ADGRG1: variants seen among roughly 807,000 people sequenced by gnomAD.
The protein encoded by ADGRG1 is 7-transmembrane protein with no EGF-like N-terminal domains-1.
In ADGRG1, 53 loss-of-function variants were observed where a neutral mutation model predicts 73.5. That is an observed-to-expected ratio of 0.72 (90% CI 0.58 to 0.91). ADGRG1 has a LOEUF of 0.91. Among genes scored for constraint, ADGRG1 ranks in the 40% least tolerant of loss-of-function variants. The probability of loss-of-function intolerance (pLI) is 0.00; values close to 1 mark genes in which losing one functional copy is unlikely to be tolerated. For missense variants in ADGRG1, 795 were observed against 871.8 expected, an observed-to-expected ratio of 0.91 and a Z score of 1.11; for synonymous variants, 394 against 374.4, an observed-to-expected ratio of 1.05 and a Z score of -0.60.
intron 1 of ADGRG1, chr16:57,646,814 G>A: frequency 1.2e-6 from 1 of 836,000 alleles, no homozygotes; most frequent in Non-Finnish European, 1.4e-6. Context: ...GGTTCTGAGG[G>A]TTTGGTGTGA....
At chr16:57,644,968 AT>A (rs1362857149) in intron 1 of ADGRG1, 1 of 615,868 alleles carries the variant, frequency 1.6e-6, no homozygotes, top group Non-Finnish European at 2.0e-6. Flanking sequence ...ACACTCATGC[AT>A]GGGCACACAC....
chr16:57,659,113 G>A (rs1433281643), intron 10 of ADGRG1: 18 of 985,312 alleles, frequency 1.8e-5, no homozygotes, highest in East Asian at 1.1e-4. Flanking sequence ...AAGTGTTTCC[G>A]CTCTGACTTT....
intron 2 of ADGRG1, 166 bp from the exon 3 acceptor site, chr16:57,651,034 G>A: frequency 6.5e-7 from 1 of 1,535,168 alleles, no homozygotes; most frequent in Non-Finnish European, 8.7e-7. Context: ...ATAGTTTGAT[G>A]CTGATAAGTT....
chr16:57,635,620 G>A (rs2147489821), intron 1 of ADGRG1: 2 of 985,336 alleles, frequency 2.0e-6, no homozygotes, highest in South Asian at 9.4e-5. Flanking sequence ...GAGCACAGGA[G>A]TGAGCAAGGT....
chr16:57,662,319 C>T (rs1329406739), intron 13 of ADGRG1, among the ~76,000 whole-genome samples: 2 of 152,122 alleles, frequency 1.3e-5, no homozygotes, highest in African/African-American at 4.8e-5. Flanking sequence ...AGGGCCTCGG[C>T]TGGGGTGGGG....
upstream of ADGRG1, among the ~76,000 whole-genome samples, chr16:57,620,568 C>G (rs2034592755): frequency 1.3e-5 from 2 of 152,194 alleles, no homozygotes; most frequent in Non-Finnish European, 2.9e-5. Flanking sequence ...GGTTTGGGAG[C>G]AGGTTGGCCC....
At chr16:57,620,452 G>A (rs79455006), upstream of ADGRG1, among the ~76,000 whole-genome samples, 1,465 of 152,304 alleles carry the variant, frequency 9.6e-3, 27 homozygotes, top group African/African-American at 0.033. Flanking sequence ...CAAGGGTGAC[G>A]CCGCGGAGCC....
intron 1 of ADGRG1, chr16:57,635,831 G>A: frequency 5.1e-6 from 5 of 985,298 alleles, no homozygotes; most frequent in Non-Finnish European, 6.0e-6. Flanking sequence ...TGTGTCCCTG[G>A]GCAAGCTCCG....
intron 7 of ADGRG1, 86 bp from the exon 8 acceptor site, chr16:57,656,140 G>A (rs754610596): frequency 1.3e-5 from 21 of 1,613,508 alleles, no homozygotes; most frequent in South Asian, 5.5e-5. Flanking sequence ...TGGCTTGACT[G>A]TGTTCTAGAC....
At chr16:57,645,501 G>A (rs763123372) in intron 1 of ADGRG1, 15 of 230,566 alleles carry the variant, frequency 6.5e-5, no homozygotes, top group Non-Finnish European at 1.0e-4. Flanking sequence ...AGGGAAGAGA[G>A]TGCTGGAACG....
In ADGRG1 at chr16:57,628,951, TGA is replaced by T. The variant is rs759270193; in HGVS notation, c.-36+153_-36+154del. On this transcript the variant is annotated intron_variant, in intron 1 of 13. Coordinates refer to ENST00000562631, the MANE Select transcript of ADGRG1 (RefSeq NM_201525.4). ...GAGTGTGAGTGTGAGCGTGAGAGTG[TGA>T]GAGTGTGTGAGTGTGAGTGTGTGAG... is the stretch of plus-strand genomic sequence containing the variant. 110 of 631,536 alleles carry T rather than the reference TGA, an allele frequency of 1.7e-4. 2 individuals carry two copies. Among genetic ancestry groups the T allele is most frequent in the Admixed American group, 1.4e-3 (17 of 12,380 alleles). 39.1% of individuals were successfully genotyped at this position (631,536 alleles called of 1,614,324 possible). A position where few individuals can be genotyped will look rare whatever the true frequency, so the allele number is the denominator to read the frequency against.
chr16:57,660,807 A>C lies in ADGRG1; in HGVS notation c.1595A>C (p.Asp532Ala). The C allele has an allele frequency of 6.2e-7, 1 of 1,613,498 alleles. No individual in the cohort carries two copies. The highest frequency in any genetic ancestry group is 8.5e-7 in the Non-Finnish European group (1 of 1,179,488). ...IFLVTLVALV[D>A]VDNYGPIILA... ...CTGGTGACGCTGGTGGCCCTGGTGG[A>C]TGTGGACAACTATGGCCCCATCATC... The change falls in exon 12 of 14, where the codon GAT (aspartate) becomes GCT (alanine). Residue 532 changes from aspartate (D) to alanine (A), a missense_variant. Transcript: ENST00000562631.
Position 57,661,746 on chromosome 16 carries a change from T to TC in ADGRG1, c.1714_1715insC (p.Phe572SerfsTer176). On this transcript the variant is annotated frameshift_variant, in exon 13 of 14. Coordinates refer to ENST00000562631, the MANE Select transcript of ADGRG1 (RefSeq NM_201525.4). LOFTEE classifies it high-confidence loss of function. ...CAGCTACATCACCAACCTGGGCCTC[T>TC]TCAGCCTGGTGTTTCTGTTCAACAT... is the stretch of plus-strand genomic sequence containing the variant. The TC allele has an allele frequency of 6.2e-7, 1 of 1,614,196 alleles. No individual in the cohort carries two copies. Among genetic ancestry groups the TC allele is most frequent in the Non-Finnish European group, 8.5e-7 (1 of 1,180,026 alleles).
chr16:57,629,049 T>C, intron 1 of ADGRG1: 1 of 502,958 alleles, frequency 2.0e-6, no homozygotes. Context: ...TGAGTGAGTG[T>C]GTGTGAGTAT....
intron 1 of ADGRG1, chr16:57,637,750 G>A: frequency 1.0e-6 from 1 of 968,014 alleles, no homozygotes; most frequent in Non-Finnish European, 1.2e-6. Context: ...GGGGGAGAAG[G>A]GGAGTTGCAG....
chr16:57,621,510 G>C (rs1488483635), intron 2 of ADGRG1: 1 of 152,264 alleles, frequency 6.6e-6, no homozygotes, highest in East Asian at 1.9e-4. Context: ...TGTAGGGAGT[G>C]GGGGTGGAGG....
At position 57,664,810 on chromosome 16, in the gene ADGRG1, A is replaced by G. The variant is rs1295681661; in HGVS notation, c.*1228A>G. 6.5e-6 allele frequency: 1 copy of G among 153,722 alleles called. No individual in the cohort carries two copies. Among genetic ancestry groups the G allele is most frequent in the African/African-American group, 2.4e-5 (1 of 41,442 alleles). The allele number at this position is 153,722 out of a possible 1,614,324, so 9.5% of individuals were successfully genotyped here. ...AGCAAGAACTCCTGGAGCTACAGGG[A>G]CAGGGAGCCATCATTCCTGCCTGGG... is the stretch of plus-strand genomic sequence containing the variant. On this transcript the variant is annotated 3_prime_UTR_variant, in exon 14 of 14. Coordinates refer to ENST00000562631, the MANE Select transcript of ADGRG1 (RefSeq NM_201525.4).
rs2047201376 is a variant in ADGRG1, at chr16:57,661,984, C to T, written c.1933+19C>T. 2.5e-6 allele frequency: 4 copies of T among 1,598,290 alleles called. No homozygotes were observed. Among genetic ancestry groups the T allele is most frequent in the African/African-American group, 2.7e-5 (2 of 74,606 alleles). The stretch of plus-strand genomic sequence containing the variant: ...TTCCAAGGTAAGGAGAAGACCCGTC[C>T]CTTGGCCCAGGCAGGGTGTCTACAC... On this transcript the variant is annotated intron_variant, in intron 13 of 13. Transcript: ENST00000562631.
chr16:57,663,521 G>A lies in ADGRG1; in HGVS notation c.2003G>A (p.Ser668Asn), dbSNP rs747772197. The A allele has an allele frequency of 1.2e-5, 19 of 1,613,832 alleles. No homozygotes were observed. In the African/African-American group the frequency reaches 1.6e-4, roughly 14 times the overall value. Residue 668 changes from serine to asparagine, a missense_variant, in exon 14 of 14, where the codon AGC becomes AAC. Ser to Asn is a conservative substitution (Grantham distance 46). Transcript: ENST00000562631. Reference protein sequence around the residue: ...QARGGPSPLKSNSDSARLPIS... With the variant: ...QARGGPSPLKNNSDSARLPIS... ...CGGGGTGGCCCCTCCCCTCTGAAGA[G>A]CAACTCAGACAGCGCCAGGCTCCCC... is the stretch of plus-strand genomic sequence containing the variant.
Sources: gnomAD v4.1 joint callset for allele counts (sites outside exome capture counted in the v4.1 genomes callset) on GRCh38, gnomAD v4.1.1 for gene constraint, MANE v1.5 for transcripts, NCBI Gene and HGNC (gene_info 2026-07-23, HGNC 2026-07-21) for gene names.